Variants in SEL1L3 observed in about 807,000 individuals in gnomAD.
The protein encoded by SEL1L3 is SEL1L family member 3.
Under a neutral mutation model 142.8 loss-of-function variants are expected in SEL1L3, and 76 were observed. The observed-to-expected ratio is 0.53, with a 90% CI of 0.44 to 0.64. SEL1L3 has a LOEUF of 0.64. SEL1L3 is among the 30% of genes least tolerant of loss of function. The probability of loss-of-function intolerance (pLI) is 0.00; values close to 1 mark genes in which losing one functional copy is unlikely to be tolerated. For missense variants in SEL1L3, 1,262 were observed against 1,381.7 expected, an observed-to-expected ratio of 0.91 and a Z score of 1.37; for synonymous variants, 504 against 519.6, an observed-to-expected ratio of 0.97 and a Z score of 0.41.
At chr4:25,835,920 A>G (rs954248268) in intron 2 of SEL1L3, among the ~76,000 whole-genome samples, 3 of 152,234 alleles carry the variant, frequency 2.0e-5, no homozygotes, top group Non-Finnish European at 4.4e-5. Flanking sequence ...ACAACAAACT[A>G]TGAAATAGGT....
intron 16 of SEL1L3, chr4:25,777,721 T>A: frequency 2.4e-6 from 1 of 418,266 alleles, no homozygotes; most frequent in Non-Finnish European, 4.8e-6. Context: ...AATATTCATG[T>A]CAAATATACT....
intron 11 of SEL1L3, among the ~76,000 whole-genome samples, chr4:25,792,406 G>C (rs1469941887): frequency 6.6e-6 from 1 of 152,184 alleles, no homozygotes; most frequent in Non-Finnish European, 1.5e-5. Context: ...GTGAGAAGGT[G>C]CTGAAATCCA....
At chr4:25,819,304 C>T (rs910694937) in intron 8 of SEL1L3, among the ~76,000 whole-genome samples, 12 of 151,882 alleles carry the variant, frequency 7.9e-5, no homozygotes, top group African/African-American at 2.7e-4. Flanking sequence ...TAAAAATTAC[C>T]GATGTCTTCG....
chr4:25,748,360 C>T lies in SEL1L3; in HGVS notation c.*65G>A. 2 of 1,498,790 alleles carry T rather than the reference C, an allele frequency of 1.3e-6. No individual in the cohort carries two copies. The highest frequency in any genetic ancestry group is 1.8e-6 in the Non-Finnish European group (2 of 1,105,666). The allele number at this position is 1,498,790 out of a possible 1,614,324, so 92.8% of individuals were successfully genotyped here. On this transcript the variant is annotated 3_prime_UTR_variant, in exon 24 of 24. Coordinates refer to ENST00000399878, the MANE Select transcript of SEL1L3 (RefSeq NM_015187.5). ...TGTTTATCAGGATCATGCCCTGGCC[C>T]CAGCTTCCCAATACCAGCTGTTGAA...
chr4:25,736,783 A>C, the SEL1L3 span, among the ~76,000 whole-genome samples: 3 of 151,884 alleles, frequency 2.0e-5, no homozygotes, highest in Non-Finnish European at 4.4e-5. Flanking sequence ...ATTTCTTCTC[A>C]TTTCTATCAA....
intron 9 of SEL1L3, among the ~76,000 whole-genome samples, chr4:25,810,220 A>T (rs1355026044): frequency 6.6e-6 from 1 of 152,174 alleles, no homozygotes; most frequent in African/African-American, 2.4e-5. Flanking sequence ...GAAAGGAATA[A>T]ATAGGCCTGG....
chr4:25,779,279 T>C (rs1719844868), intron 15 of SEL1L3, 76 bp from the exon 16 acceptor site: 1 of 1,528,866 alleles, frequency 6.5e-7, no homozygotes, highest in Admixed American at 1.8e-5. Context: ...ATGAGATGCT[T>C]TAAGCCTGAT....
At chr4:25,756,403 GAGA>G in intron 23 of SEL1L3, 1 of 985,056 alleles carries the variant, frequency 1.0e-6, no homozygotes, top group Non-Finnish European at 1.2e-6. Context: ...AACATTTATT[GAGA>G]AGGTTTTATA....
intron 1 of SEL1L3, among the ~76,000 whole-genome samples, chr4:25,853,472 A>G (rs2109319213): frequency 6.6e-6 from 1 of 152,300 alleles, no homozygotes; most frequent in South Asian, 2.1e-4. Flanking sequence ...AGCACTTGTA[A>G]TGTGGCTGGT....
chr4:25,787,330 T>C (rs1711919081), intron 13 of SEL1L3, among the ~76,000 whole-genome samples: 2 of 152,192 alleles, frequency 1.3e-5, no homozygotes, highest in African/African-American at 4.8e-5. Context: ...TTACTAATTT[T>C]TTTTTTCTGA....
chr4:25,806,288 A>C (rs890520165), intron 9 of SEL1L3, among the ~76,000 whole-genome samples: 3 of 151,286 alleles, frequency 2.0e-5, no homozygotes, highest in African/African-American at 7.3e-5. Context: ...CCGCCCGCCT[A>C]GGCCTCCCAA....
chr4:25,748,271 A>T lies in SEL1L3; in HGVS notation c.*154T>A. On this transcript the variant is annotated 3_prime_UTR_variant, in exon 24 of 24. Transcript: ENST00000399878. ...TGCCTGATCTGGGTACTTCCTTGTA[A>T]TTTGACTTTAAAAAAAATGACACCA... The T allele has an allele frequency of 1.4e-6, 1 of 694,060 alleles. No individual in the cohort carries two copies. Among genetic ancestry groups the T allele is most frequent in the African/African-American group, 1.8e-5 (1 of 55,704 alleles). 43.0% of individuals were successfully genotyped at this position (694,060 alleles called of 1,614,324 possible). A position where few individuals can be genotyped will look rare whatever the true frequency, so the allele number is the denominator to read the frequency against.
rs145804049 is a variant in SEL1L3, at chr4:25,847,830, A to G, written c.197T>C (p.Leu66Pro). 147 of 1,589,352 alleles carry G rather than the reference A, an allele frequency of 9.2e-5. No homozygotes were observed. The African/African-American group carries it at 1.8e-3, about 20-fold the overall frequency. ...AGCTTTGGGTATCACTGATGTCGTC[A>G]GGGAAGTCTGCCTACCCAAAGATGG... ...VVPSLGRQTS[L>P]TTSVIPKAEQ... Residue 66 changes from leucine (L) to proline (P), a missense_variant, in exon 2 of 24, where the codon CTG becomes CCG. This residue lies in a region of SEL1L3 where 689 missense variants were observed against 692.8 expected (regional missense o/e 0.99). Transcript: ENST00000399878.
chr4:25,859,257 C>T (rs906637929), intron 1 of SEL1L3, among the ~76,000 whole-genome samples: 2 of 152,318 alleles, frequency 1.3e-5, no homozygotes, highest in Non-Finnish European at 1.5e-5. Flanking sequence ...CTTTTGCTTT[C>T]GAGGCCCTCT....
intron 12 of SEL1L3, among the ~76,000 whole-genome samples, chr4:25,790,190 T>C (rs1712193865): frequency 6.6e-6 from 1 of 152,194 alleles, no homozygotes; most frequent in Non-Finnish European, 1.5e-5. Context: ...AATATCCCAC[T>C]TGTGGGCAGA....
At chr4:25,733,919 T>G in the SEL1L3 span, among the ~76,000 whole-genome samples, 29 of 152,328 alleles carry the variant, frequency 1.9e-4, 1 homozygote, top group South Asian at 5.8e-3. Flanking sequence ...GTGTTCAGTT[T>G]GTTGCCATTA....
the SEL1L3 span, chr4:25,718,432 C>T: frequency 3.7e-4 from 56 of 152,106 alleles, no homozygotes; most frequent in African/African-American, 1.3e-3. Context: ...TATGGTTCAT[C>T]TATGGACTCG....
chr4:25,744,348 CTT>C (rs35155388), downstream of SEL1L3, among the ~76,000 whole-genome samples: 26 of 101,424 alleles, frequency 2.6e-4, no homozygotes, highest in African/African-American at 6.9e-4. Context: ...ATGTGTGAGT[CTT>C]TTTTTTTTTT....
chr4:25,723,242 A>G, the SEL1L3 span, among the ~76,000 whole-genome samples: 1 of 152,206 alleles, frequency 6.6e-6, no homozygotes, highest in Admixed American at 6.5e-5. Context: ...TTAGGAGAAC[A>G]TCTGAGCCCA....
Sources: gnomAD v4.1 joint callset for allele counts (sites outside exome capture counted in the v4.1 genomes callset) on GRCh38, gnomAD v4.1.1 for gene constraint, gnomAD v4.1.1 regional missense constraint, MANE v1.5 for transcripts, NCBI Gene and HGNC (gene_info 2026-07-23, HGNC 2026-07-21) for gene names.